Variants in UBE4B observed in about 807,000 individuals in gnomAD.
UBE4B encodes ubiquitin conjugation factor E4 B.
Under a neutral mutation model 148.1 loss-of-function variants are expected in UBE4B, and 27 were observed. The observed-to-expected ratio is 0.18, with a 90% CI of 0.13 to 0.25. The LOEUF is 0.25. Among genes scored for constraint, UBE4B ranks in the 10% least tolerant of loss-of-function variants. The probability of loss-of-function intolerance (pLI) is 1.00; values close to 1 mark genes in which losing one functional copy is unlikely to be tolerated. For missense variants in UBE4B, 1,170 were observed against 1,662.4 expected (o/e 0.70, Z 5.15); for synonymous variants, 596 against 619.3 (o/e 0.96, Z 0.56).
At chr1:10,107,257 C>T (rs565309784) in intron 7 of UBE4B, 3 of 1,289,590 alleles carry the variant, frequency 2.3e-6, no homozygotes, top group South Asian at 1.2e-5. Context: ...CTCTTCCTCG[C>T]ACTTTCTGGG....
intron 22 of UBE4B, among the ~76,000 whole-genome samples, chr1:10,158,855 A>C (rs1169986458): frequency 6.6e-6 from 1 of 152,086 alleles, no homozygotes; most frequent in Non-Finnish European, 1.5e-5. Context: ...TTAAAAATAC[A>C]AAACATTAAC....
intron 25 of UBE4B, among the ~76,000 whole-genome samples, chr1:10,173,151 G>A (rs1646362151): frequency 6.6e-6 from 1 of 152,140 alleles, no homozygotes; most frequent in African/African-American, 2.4e-5. Flanking sequence ...CTCGTAAGAG[G>A]GTTAGGAAAT....
chr1:10,102,324 AATAG>A (rs1244415143), intron 4 of UBE4B, among the ~76,000 whole-genome samples: 1 of 150,618 alleles, frequency 6.6e-6, no homozygotes, highest in Non-Finnish European at 1.5e-5. Flanking sequence ...CAGAAAAGTA[AATAG>A]ATAGGATATG....
chr1:10,130,280 G>A (rs762988991), intron 12 of UBE4B, among the ~76,000 whole-genome samples: 1 of 151,940 alleles, frequency 6.6e-6, no homozygotes, highest in Non-Finnish European at 1.5e-5. Flanking sequence ...TCTCCATGTT[G>A]GCCAGGGTTG....
intron 4 of UBE4B, among the ~76,000 whole-genome samples, chr1:10,101,987 G>A (rs1645020262): frequency 6.6e-6 from 1 of 150,940 alleles, no homozygotes; most frequent in African/African-American, 2.4e-5. Context: ...GTGTGTGTGT[G>A]TGTGTGTGTG....
intron 21 of UBE4B, among the ~76,000 whole-genome samples, chr1:10,155,079 G>GA (rs1430634737): frequency 6.7e-6 from 1 of 149,244 alleles, no homozygotes; most frequent in Non-Finnish European, 1.5e-5. Context: ...GAGAGAGAGA[G>GA]AGAGAGTGTG....
chr1:10,137,263 C>T (rs1645703183), intron 17 of UBE4B, 58 bp downstream of exon 17: 4 of 1,602,592 alleles, frequency 2.5e-6, no homozygotes, highest in Non-Finnish European at 2.6e-6. Flanking sequence ...TTCTCAGGGG[C>T]AGGCAATTCC....
At chr1:10,121,064 A>G (rs1250646935) in intron 9 of UBE4B, among the ~76,000 whole-genome samples, 1 of 152,182 alleles carries the variant, frequency 6.6e-6, no homozygotes, top group Admixed American at 6.5e-5. Context: ...TAGATGAGGC[A>G]TAAAGAAACA....
chr1:10,151,680 C>T (rs1645977971), intron 21 of UBE4B, 119 bp downstream of exon 21: 1 of 836,508 alleles, frequency 1.2e-6, no homozygotes, highest in Admixed American at 2.6e-5. Flanking sequence ...GTGTGTATAG[C>T]CTACTAACCT....
chr1:10,096,754 T>C (rs1221131611), intron 3 of UBE4B, among the ~76,000 whole-genome samples: 2 of 150,830 alleles, frequency 1.3e-5, no homozygotes, highest in East Asian at 2.0e-4. Flanking sequence ...AAAATATGAA[T>C]AAGGGGCTGG....
chr1:10,171,079 T>C, intron 24 of UBE4B, 59 bp from the exon 25 acceptor site: 1 of 1,531,434 alleles, frequency 6.5e-7, no homozygotes, highest in Non-Finnish European at 8.8e-7. Context: ...ATGGGAGTTT[T>C]TGGTCCTTTT....
intron 3 of UBE4B, among the ~76,000 whole-genome samples, chr1:10,096,290 T>C (rs1644927242): frequency 6.6e-6 from 1 of 152,116 alleles, no homozygotes; most frequent in Non-Finnish European, 1.5e-5. Context: ...GAAAGAGCCC[T>C]CCTGTGTTGC....
At position 10,041,654 on chromosome 1, in the gene UBE4B, G is replaced by C. The variant is rs114982490; in HGVS notation, c.24+7960G>C. On this transcript the variant is annotated intron_variant, in intron 1 of 27. Transcript: ENST00000343090. ...CCGGCCACATTTATAGCATTCTTACGGTCCCTTCTGAGATAGGAAGTGGAA... is the reference window on the plus strand; with the variant it reads ...CCGGCCACATTTATAGCATTCTTACCGTCCCTTCTGAGATAGGAAGTGGAA... Among the ~76,000 whole-genome samples the C allele has an allele frequency of 4.7e-4, 72 of 151,734 alleles. 1 individual carries two copies. Among genetic ancestry groups the C allele is most frequent in the Non-Finnish European group, 6.0e-4 (41 of 67,888 alleles).
chr1:10,146,281 G>A (rs923793079), intron 18 of UBE4B, among the ~76,000 whole-genome samples: 12 of 152,034 alleles, frequency 7.9e-5, no homozygotes, highest in African/African-American at 2.4e-4. Context: ...GTGAAACCCC[G>A]TCTCTACTAA....
At chr1:10,076,599 C>T (rs1217875863) in intron 2 of UBE4B, among the ~76,000 whole-genome samples, 1 of 151,758 alleles carries the variant, frequency 6.6e-6, no homozygotes, top group East Asian at 1.9e-4. Context: ...GTAAAAAGTC[C>T]TTCATCCAGG....
At chr1:10,152,664 G>A (rs1008019359) in intron 21 of UBE4B, among the ~76,000 whole-genome samples, 5 of 152,042 alleles carry the variant, frequency 3.3e-5, no homozygotes, top group South Asian at 2.1e-4. Context: ...TGGGTGTGGC[G>A]GGCGGCGCCT....
chr1:10,146,912 G>A (rs746896512), intron 18 of UBE4B, 51 bp from the exon 19 acceptor site: 7 of 1,600,414 alleles, frequency 4.4e-6, no homozygotes, highest in Non-Finnish European at 5.1e-6. Context: ...TCCCCCTGTA[G>A]GGACTTAGCT....
At chr1:10,101,067 T>G in intron 3 of UBE4B, 41 bp from the exon 4 acceptor site, 1 of 1,584,414 alleles carries the variant, frequency 6.3e-7, no homozygotes, top group South Asian at 1.1e-5. Flanking sequence ...TTGTGCGGAT[T>G]TATAAAAGGT....
intron 7 of UBE4B, among the ~76,000 whole-genome samples, chr1:10,113,306 T>C (rs1417644922): frequency 6.6e-6 from 1 of 152,140 alleles, no homozygotes; most frequent in Non-Finnish European, 1.5e-5. Context: ...TGCTAAGGCA[T>C]TGGTGAGGGA....
Sources: allele counts gnomAD v4.1 joint callset (sites outside exome capture counted in the v4.1 genomes callset), GRCh38; gene constraint gnomAD v4.1.1; transcripts MANE v1.5; gene names NCBI Gene and HGNC (gene_info 2026-07-23, HGNC 2026-07-21).